TRPC1: variants seen among roughly 807,000 people sequenced by gnomAD.
TRPC1 encodes the protein transient receptor potential cation channel subfamily C member 1.
TRPC1 carries 42 observed loss-of-function variants against 88.2 expected under a neutral mutation model. The observed-to-expected ratio is 0.48, with a 90% CI of 0.37 to 0.62. TRPC1 has a LOEUF of 0.62. Ranked by LOEUF, TRPC1 falls within the 20% of genes least tolerant of loss-of-function variation. TRPC1 has a pLI of 0.00. For missense variants in TRPC1, 699 were observed against 957.3 expected, an observed-to-expected ratio of 0.73 and a Z score of 3.56; for synonymous variants, 288 against 331.8, an observed-to-expected ratio of 0.87 and a Z score of 1.43.
chr3:142,789,153 G>A (rs1037649480), intron 7 of TRPC1, among the ~76,000 whole-genome samples: 11 of 152,062 alleles, frequency 7.2e-5, no homozygotes, highest in East Asian at 1.9e-4. Context: ...ATAAGGATTC[G>A]CACACATCAG....
chr3:142,760,357 G>T (rs1170301376), intron 4 of TRPC1, among the ~76,000 whole-genome samples: 1 of 152,090 alleles, frequency 6.6e-6, no homozygotes, highest in Non-Finnish European at 1.5e-5. Context: ...CCCAAAATAT[G>T]TTCTCGGCAC....
intron 7 of TRPC1, among the ~76,000 whole-genome samples, chr3:142,787,095 A>G (rs530651708): frequency 6.6e-6 from 1 of 152,342 alleles, no homozygotes; most frequent in Admixed American, 6.5e-5. Context: ...CACACATAAT[A>G]TGATTAATTT....
chr3:142,807,480 C>T lies in TRPC1; in HGVS notation c.*1245C>T, dbSNP rs1936828789. The T allele has an allele frequency of 2.0e-5, 3 of 152,202 alleles. No individual in the cohort carries two copies. The highest frequency in any genetic ancestry group is 1.3e-4 in the Admixed American group (2 of 15,282). The allele number at this position is 152,202 out of a possible 1,614,324, so 9.4% of individuals were successfully genotyped here. ...AAGAGGATATTAGGTATATAATTCT[C>T]TTCTTAACCGAATGTCAGATGGTCT... On this transcript the variant is annotated 3_prime_UTR_variant, in exon 13 of 13. Transcript: ENST00000476941.
chr3:142,795,199 A>G (rs1251472216), intron 9 of TRPC1, among the ~76,000 whole-genome samples: 3 of 152,090 alleles, frequency 2.0e-5, no homozygotes, highest in African/African-American at 7.2e-5. Flanking sequence ...AAAAATGAAA[A>G]GAGTATCTGT....
chr3:142,807,154 T>A lies in TRPC1; in HGVS notation c.*919T>A, dbSNP rs989744081. On this transcript the variant is annotated 3_prime_UTR_variant, in exon 13 of 13. Coordinates refer to ENST00000476941, the MANE Select transcript of TRPC1 (RefSeq NM_001251845.2). ...ATAGGAGACACTTTTTTATCACATGTAGTCACAACCTGTTTTGTTTTTGTA... is the reference window on the plus strand; with the variant it reads ...ATAGGAGACACTTTTTTATCACATGAAGTCACAACCTGTTTTGTTTTTGTA... The A allele has an allele frequency of 1.1e-4, 16 of 152,152 alleles. No homozygotes were observed. Among genetic ancestry groups the A allele is most frequent in the African/African-American group, 3.9e-4 (16 of 41,450 alleles). 9.4% of individuals were successfully genotyped at this position (152,152 alleles called of 1,614,324 possible).
At chr3:142,734,787 T>TAA (rs138090969) in intron 1 of TRPC1, among the ~76,000 whole-genome samples, 4 of 145,434 alleles carry the variant, frequency 2.8e-5, no homozygotes, top group Non-Finnish European at 4.6e-5. Flanking sequence ...AAAATAAAAA[T>TAA]AAAAAAAAAA....
In TRPC1 at chr3:142,806,004, G is replaced by A; in HGVS notation, c.2155-4G>A. The A allele has an allele frequency of 6.2e-7, 1 of 1,611,342 alleles. No homozygotes were observed. Among genetic ancestry groups the A allele is most frequent in the Non-Finnish European group, 8.5e-7 (1 of 1,178,254 alleles). ...ATCCTTAGTATCATATTGTTGTTTT[G>A]AAGGAATGGAGGAATTTGAAACAGA... On this transcript the variant is annotated splice_polypyrimidine_tract_variant and splice_region_variant and intron_variant, in intron 12 of 12. Coordinates refer to ENST00000476941, the MANE Select transcript of TRPC1 (RefSeq NM_001251845.2).
rs973477840 is a variant in TRPC1, at chr3:142,806,398, T to C, written c.*163T>C. 1.7e-6 allele frequency: 1 copy of C among 587,704 alleles called. No homozygotes were observed. Among genetic ancestry groups the C allele is most frequent in the Admixed American group, 3.7e-5 (1 of 26,724 alleles). 36.4% of individuals were successfully genotyped at this position (587,704 alleles called of 1,614,324 possible). ...ATAAATATATGTTATGTAAAGTGTG[T>C]ATATAGAATTAGTTTTTTAAACCTT... is the stretch of plus-strand genomic sequence containing the variant. On this transcript the variant is annotated 3_prime_UTR_variant, in exon 13 of 13. Transcript: ENST00000476941.
At chr3:142,772,089 C>T (rs893486457) in intron 4 of TRPC1, among the ~76,000 whole-genome samples, 1 of 151,912 alleles carries the variant, frequency 6.6e-6, no homozygotes, top group East Asian at 1.9e-4. Flanking sequence ...TTGTTGCTTC[C>T]GAGATTTTGT....
At chr3:142,769,171 T>C (rs1447760249) in intron 4 of TRPC1, among the ~76,000 whole-genome samples, 1 of 152,152 alleles carries the variant, frequency 6.6e-6, no homozygotes, top group Non-Finnish European at 1.5e-5. Context: ...TACCATATAA[T>C]TCACCCATTT....
intron 1 of TRPC1, among the ~76,000 whole-genome samples, chr3:142,726,195 T>C (rs981697858): frequency 2.0e-5 from 3 of 152,170 alleles, no homozygotes; most frequent in Non-Finnish European, 4.4e-5. Context: ...GCTCCATGTA[T>C]TCCAGCTCAC....
chr3:142,735,521 C>A (rs922417427), intron 1 of TRPC1, among the ~76,000 whole-genome samples: 6 of 152,108 alleles, frequency 3.9e-5, no homozygotes, highest in Non-Finnish European at 7.4e-5. Context: ...ATTAGCATTT[C>A]TCTTGATTTA....
intron 9 of TRPC1, among the ~76,000 whole-genome samples, chr3:142,794,205 T>C (rs957978290): frequency 2.0e-5 from 3 of 152,144 alleles, no homozygotes; most frequent in Admixed American, 1.3e-4. Context: ...GCCACTAATA[T>C]CATCTACGAA....
At chr3:142,750,430 G>A (rs1024621295) in intron 4 of TRPC1, among the ~76,000 whole-genome samples, 2 of 152,188 alleles carry the variant, frequency 1.3e-5, no homozygotes, top group African/African-American at 4.8e-5. Context: ...TTCTGGAGAG[G>A]ATGTGGAGAA....
At chr3:142,802,401 T>C in intron 10 of TRPC1, 57 bp downstream of exon 10, 1 of 1,187,088 alleles carries the variant, frequency 8.4e-7, no homozygotes, top group Non-Finnish European at 1.1e-6. Flanking sequence ...TTTTACCATC[T>C]TCTATATGAA....
rs1132030 is a variant in TRPC1, at chr3:142,806,016, G to A, written c.2163G>A (p.Arg721=). Residue 721 remains arginine, a synonymous_variant, in exon 13 of 13, where the codon AGG becomes AGA. Transcript: ENST00000476941. ...VKRQNSLKEW[R]NLKQKRDENY... ...ATATTGTTGTTTTGAAGGAATGGAG[G>A]AATTTGAAACAGAAGAGAGATGAAA... 0.22 allele frequency: 347,232 copies of A among 1,611,862 alleles called. 46,493 individuals are homozygous for A. Among genetic ancestry groups the A allele is most frequent in the African/African-American group, 0.67 (49,911 of 74,808 alleles).
intron 4 of TRPC1, among the ~76,000 whole-genome samples, chr3:142,771,324 A>G (rs1220769063): frequency 6.6e-6 from 1 of 152,098 alleles, no homozygotes; most frequent in Non-Finnish European, 1.5e-5. Context: ...TAACTTGTCA[A>G]AGTCAGTGTC....
At chr3:142,739,336 G>A (rs1183763187) in intron 2 of TRPC1, among the ~76,000 whole-genome samples, 1 of 152,142 alleles carries the variant, frequency 6.6e-6, no homozygotes, top group African/African-American at 2.4e-5. Context: ...TAAGTAACTT[G>A]CCCAAAGTCA....
intron 4 of TRPC1, among the ~76,000 whole-genome samples, chr3:142,759,635 T>G (rs1348055485): frequency 1.3e-5 from 2 of 152,202 alleles, no homozygotes; most frequent in Non-Finnish European, 2.9e-5. Flanking sequence ...CTTTTCACTT[T>G]TCCCATTCTG....
Sources: allele counts gnomAD v4.1 joint callset (sites outside exome capture counted in the v4.1 genomes callset), GRCh38; gene constraint gnomAD v4.1.1; transcripts MANE v1.5; gene names NCBI Gene and HGNC (gene_info 2026-07-23, HGNC 2026-07-21).